PRDM16: variants seen among roughly 807,000 people sequenced by gnomAD.
PRDM16 encodes histone-lysine N-methyltransferase PRDM16.
Under a neutral mutation model 110.6 loss-of-function variants are expected in PRDM16, and 23 were observed. That is an observed-to-expected ratio of 0.21 (90% CI 0.15 to 0.29). PRDM16 has a LOEUF of 0.29. Among genes scored for constraint, PRDM16 ranks in the 10% least tolerant of loss-of-function variants. PRDM16 has a pLI of 1.00. For synonymous variants in PRDM16, 799 were observed against 781.8 expected (o/e 1.02, Z -0.37); for missense variants, 1,615 against 1,794.3 (o/e 0.90, Z 1.81).
rs1472297372 is a variant in PRDM16, at chr1:3,339,891, G to A, written c.439-45261G>A. Among the ~76,000 whole-genome samples, 4 of 152,186 alleles carry A rather than the reference G, an allele frequency of 2.6e-5. No individual in the cohort carries two copies. Among genetic ancestry groups the A allele is most frequent in the South Asian group, 2.1e-4 (1 of 4,834 alleles). On this transcript the variant is annotated intron_variant, in intron 3 of 16. Transcript: ENST00000270722. This position sits in a 1 kb window ranked among gnomAD's most constrained non-coding sequence, Gnocchi z 5.0. Reference sequence around the variant, plus strand: ...CCAGCTCAGTCCCATAGGAAGATGCGGTTCTGTGCAGCAGCTGAGGTTGGA... The same window carrying A: ...CCAGCTCAGTCCCATAGGAAGATGCAGTTCTGTGCAGCAGCTGAGGTTGGA...
chr1:3,341,812 G>A (rs1298912246), intron 3 of PRDM16, among the ~76,000 whole-genome samples: 6 of 152,278 alleles, frequency 3.9e-5, no homozygotes, highest in East Asian at 1.9e-4. Context: ...GCTCTGCAGC[G>A]CACTGTGTGG....
At chr1:3,100,963 G>A (rs925230603) in intron 1 of PRDM16, among the ~76,000 whole-genome samples, 2 of 152,046 alleles carry the variant, frequency 1.3e-5, no homozygotes, top group Non-Finnish European at 2.9e-5. Context: ...CATTCTGCCC[G>A]GGAGGCCTGG....
chr1:3,434,569 T>C lies in PRDM16; in HGVS notation c.*758T>C. On this transcript the variant is annotated 3_prime_UTR_variant, in exon 17 of 17. Coordinates refer to ENST00000270722, the MANE Select transcript of PRDM16 (RefSeq NM_022114.4). Reference sequence around the variant, plus strand: ...TGAACCATGCAGACGGCCGAAGAAGTCTTAGGCAGGGCGCCCTGGGCTGCA... The same window carrying C: ...TGAACCATGCAGACGGCCGAAGAAGCCTTAGGCAGGGCGCCCTGGGCTGCA... The C allele has an allele frequency of 4.3e-6, 1 of 231,692 alleles. No homozygotes were observed. Among genetic ancestry groups the C allele is most frequent in the East Asian group, 6.1e-5 (1 of 16,380 alleles). 14.4% of individuals were successfully genotyped at this position (231,692 alleles called of 1,614,324 possible).
At chr1:3,377,283 T>C (rs1643008941) in intron 3 of PRDM16, among the ~76,000 whole-genome samples, 1 of 152,124 alleles carries the variant, frequency 6.6e-6, no homozygotes, top group South Asian at 2.1e-4. Flanking sequence ...GAGGGCAGCG[T>C]CCCAGGGCTC....
At chr1:3,194,077 GC>G (rs1026921415) in intron 2 of PRDM16, among the ~76,000 whole-genome samples, 1 of 152,234 alleles carries the variant, frequency 6.6e-6, no homozygotes, top group African/African-American at 2.4e-5. Context: ...GGAGTGGAGA[GC>G]CCGCCTGCAT....
In PRDM16 at chr1:3,350,578, A is replaced by G. The variant is rs6692460; in HGVS notation, c.439-34574A>G. ...AGGGGAGGGGACCAGGGTGGCAGGC[A>G]GCTGTGGGCGGGTGGAAAGCAGAGC... On this transcript the variant is annotated intron_variant, in intron 3 of 16. Transcript: ENST00000270722. The surrounding 1 kb of genome is among the most constrained non-coding windows in gnomAD (Gnocchi z 7.1). Among the ~76,000 whole-genome samples, 29,502 of 152,044 alleles carry G rather than the reference A, an allele frequency of 0.19. 7,667 individuals are homozygous for G. Among genetic ancestry groups the G allele is most frequent in the African/African-American group, 0.6 (24,688 of 41,416 alleles).
chr1:3,079,504 A>G (rs1390468060), intron 1 of PRDM16, among the ~76,000 whole-genome samples: 1 of 151,834 alleles, frequency 6.6e-6, no homozygotes, highest in African/African-American at 2.4e-5. Flanking sequence ...TGGTGAAAAT[A>G]CTGCTGCCTT....
chr1:3,263,781 G>A (rs1640222966), intron 3 of PRDM16, among the ~76,000 whole-genome samples: 1 of 152,218 alleles, frequency 6.6e-6, no homozygotes, highest in South Asian at 2.1e-4. Context: ...GTTGGAACGT[G>A]AAGCCAGGAG....
intron 3 of PRDM16, among the ~76,000 whole-genome samples, chr1:3,261,735 C>G (rs1050536368): frequency 6.6e-6 from 1 of 152,302 alleles, no homozygotes; most frequent in South Asian, 2.1e-4. Flanking sequence ...TGTGTCAGGG[C>G]AGCCTGCCTC....
In PRDM16 at chr1:3,147,501, G is replaced by A. The variant is rs553846776; in HGVS notation, c.38-38624G>A. Among the ~76,000 whole-genome samples the A allele has an allele frequency of 3.3e-5, 5 of 152,242 alleles. No individual in the cohort carries two copies. In the East Asian group the frequency reaches 7.7e-4, roughly 24 times the overall value. On this transcript the variant is annotated intron_variant, in intron 1 of 16. Coordinates refer to ENST00000270722, the MANE Select transcript of PRDM16 (RefSeq NM_022114.4). ...GTCCGACTGTGGACTCCGTCGCCCT[G>A]AGGCTATTTCTGCTGTCTTCTCTTT... is the stretch of plus-strand genomic sequence containing the variant.
At chr1:3,087,983 G>A (rs1642188583) in intron 1 of PRDM16, among the ~76,000 whole-genome samples, 1 of 151,606 alleles carries the variant, frequency 6.6e-6, no homozygotes, top group Admixed American at 6.6e-5. Flanking sequence ...CTTTGGCCTT[G>A]GTGCCGCCTT....
chr1:3,171,131 T>G (rs1483959235), intron 1 of PRDM16, among the ~76,000 whole-genome samples: 25 of 152,162 alleles, frequency 1.6e-4, no homozygotes, highest in Admixed American at 1.6e-3. Flanking sequence ...CTCTCCCTCT[T>G]GCGATTTTTA....
rs570331577 is a variant in PRDM16 at position 3,092,995 on chromosome 1, G to A, written c.37+23699G>A. Among the ~76,000 whole-genome samples the A allele has an allele frequency of 2.2e-4, 33 of 152,246 alleles. 1 individual carries two copies. Among genetic ancestry groups the A allele is most frequent in the Admixed American group, 1.2e-3 (18 of 15,308 alleles). On this transcript the variant is annotated intron_variant, in intron 1 of 16. Transcript: ENST00000270722. ...TTCCTGCTGCAGGGACCGAGGTGGC[G>A]TCCCACCTCTGTAATCACTGTCCAA...
chr1:3,417,904 A>G lies in PRDM16; in HGVS notation c.2768A>G (p.Gln923Arg). The G allele has an allele frequency of 1.2e-6, 2 of 1,612,486 alleles. No individual in the cohort carries two copies. Among genetic ancestry groups the G allele is most frequent in the Non-Finnish European group, 1.7e-6 (2 of 1,178,804 alleles). Residue 923 changes from glutamine (Q) to arginine (R), a missense_variant, in exon 11 of 17, where the codon CAG becomes CGG. Gln to Arg is a conservative substitution (Grantham distance 43, BLOSUM62 1). Around this residue, in one of 5 missense-constraint regions of PRDM16, gnomAD observed 772 missense variants for 748.3 expected, o/e 1.03. Coordinates refer to ENST00000270722, the MANE Select transcript of PRDM16 (RefSeq NM_022114.4). ...AMKADSGSSLQPLPHHPFNFR... is the reference protein window; with the variant it reads ...AMKADSGSSLRPLPHHPFNFR... ...AAGGCGGACTCGGGCAGCTCCCTGC[A>G]GCCCCTCCCCCACCACCCCTTCAAC...
chr1:3,410,998 G>GC (rs1268977112), intron 8 of PRDM16, among the ~76,000 whole-genome samples: 3 of 152,248 alleles, frequency 2.0e-5, no homozygotes, highest in Admixed American at 1.3e-4. Context: ...GTACCAACCG[G>GC]CCCCCCGATC....
At chr1:3,200,799 C>T (rs868449165) in intron 2 of PRDM16, among the ~76,000 whole-genome samples, 3 of 152,162 alleles carry the variant, frequency 2.0e-5, no homozygotes, top group Middle Eastern at 6.3e-3. Flanking sequence ...GCGAGTGTCT[C>T]CTGCACCTAA....
chr1:3,430,405 C>T (rs1638732845), intron 14 of PRDM16, among the ~76,000 whole-genome samples: 1 of 152,180 alleles, frequency 6.6e-6, no homozygotes, highest in Non-Finnish European at 1.5e-5. Flanking sequence ...TCTCCAGATC[C>T]CAGAGAGCCC....
chr1:3,353,699 G>T lies in PRDM16; in HGVS notation c.439-31453G>T, dbSNP rs531028972. On this transcript the variant is annotated intron_variant, in intron 3 of 16. Coordinates refer to ENST00000270722, the MANE Select transcript of PRDM16 (RefSeq NM_022114.4). The surrounding 1 kb of genome is among the most constrained non-coding windows in gnomAD (Gnocchi z 5.4). Reference sequence around the variant, plus strand: ...AGAGAACAGGACAATCCTAGCTCAGGCTGGTGGAGGTTTGGGGATGCCGAA... The same window carrying T: ...AGAGAACAGGACAATCCTAGCTCAGTCTGGTGGAGGTTTGGGGATGCCGAA... Among the ~76,000 whole-genome samples the T allele has an allele frequency of 6.1e-4, 93 of 152,338 alleles. No individual in the cohort carries two copies. Among genetic ancestry groups the T allele is most frequent in the African/African-American group, 2.2e-3 (90 of 41,590 alleles).
At position 3,414,721 on chromosome 1, in the gene PRDM16, C is replaced by T. The variant is rs1055011782; in HGVS notation, c.2691+74C>T. 2.3e-5 allele frequency: 28 copies of T among 1,195,404 alleles called. No individual in the cohort carries two copies. The East Asian group carries it at 2.4e-4, about 10-fold the overall frequency. The allele number at this position is 1,195,404 out of a possible 1,614,324, so 74.0% of individuals were successfully genotyped here. ...GCCCCATCTCCCGGCTGTCGAGGCT[C>T]AGTGGCCAGGCTGGAGCCTAAGTCC... is the stretch of plus-strand genomic sequence containing the variant. On this transcript the variant is annotated intron_variant, in intron 10 of 16. Coordinates refer to ENST00000270722, the MANE Select transcript of PRDM16 (RefSeq NM_022114.4).
Sources: allele counts gnomAD v4.1 joint callset (sites outside exome capture counted in the v4.1 genomes callset), GRCh38; gene constraint gnomAD v4.1.1; regional missense constraint gnomAD v4.1.1; non-coding constraint Gnocchi (gnomAD v3.1); transcripts MANE v1.5; gene names NCBI Gene and HGNC (gene_info 2026-07-23, HGNC 2026-07-21).